ACSM5: variants seen among roughly 807,000 people sequenced by gnomAD.
ACSM5 encodes acyl-coenzyme A synthetase ACSM5, mitochondrial.
Under a neutral mutation model 71.6 loss-of-function variants are expected in ACSM5, and 56 were observed. The ratio of observed to expected loss-of-function variants is 0.78; its 90% confidence interval spans 0.63 to 0.98. ACSM5 has a LOEUF of 0.98. ACSM5 is among the 50% of genes least tolerant of loss of function. ACSM5 has a pLI of 0.00. For synonymous variants in ACSM5, 285 were observed against 281.5 expected, an observed-to-expected ratio of 1.01 and a Z score of -0.12; for missense variants, 723 against 726.0, an observed-to-expected ratio of 1.00 and a Z score of 0.05.
intron 13 of ACSM5, 156 bp from the exon 14 acceptor site, chr16:20,440,188 C>T: frequency 3.0e-6 from 2 of 668,428 alleles, no homozygotes; most frequent in Non-Finnish European, 5.2e-6. Context: ...TCCTGTGCTC[C>T]AGGCTCCAGC....
chr16:20,426,277 C>G (rs1222177110), intron 6 of ACSM5, among the ~76,000 whole-genome samples: 2 of 152,170 alleles, frequency 1.3e-5, no homozygotes, highest in Non-Finnish European at 2.9e-5. Flanking sequence ...CTGTCCCCAG[C>G]TCTGATATAG....
rs573883279 is a variant in ACSM5 at position 20,427,738 on chromosome 16, T to C, written c.922-50T>C. 1,913 of 1,280,248 alleles carry C rather than the reference T, an allele frequency of 1.5e-3. 6 individuals carry two copies. Among genetic ancestry groups the C allele is most frequent in the East Asian group, 7.2e-3 (312 of 43,202 alleles). 79.3% of individuals were successfully genotyped at this position (1,280,248 alleles called of 1,614,324 possible). ...GATGCATTTGGCTCCATCTTCATGG[T>C]CCCACCCCAATGATTCTAAGGACAT... On this transcript the variant is annotated intron_variant, in intron 6 of 13. Transcript: ENST00000331849.
chr16:20,424,278 C>T (rs992107779), intron 6 of ACSM5, among the ~76,000 whole-genome samples: 1 of 152,104 alleles, frequency 6.6e-6, no homozygotes, highest in Non-Finnish European at 1.5e-5. Context: ...GATGTAAGAC[C>T]ATTTTGTTGC....
intron 8 of ACSM5, among the ~76,000 whole-genome samples, 166 bp downstream of exon 8, chr16:20,429,967 CTCACTTATAAGT>C (rs1162526988): frequency 3.3e-5 from 5 of 152,112 alleles, no homozygotes. Context: ...TCCATATGTT[CTCACTTATAAGT>C]GGGAGCTAAG....
chr16:20,437,102 A>G lies in ACSM5; in HGVS notation c.1359A>G (p.Thr453=). 1 of 1,614,166 alleles carries G rather than the reference A, an allele frequency of 6.2e-7. No individual in the cohort carries two copies. The highest frequency in any genetic ancestry group is 8.5e-7 in the Non-Finnish European group (1 of 1,180,018). The change falls in exon 11 of 14, where the codon ACA becomes ACG. Residue 453 remains threonine (T), a synonymous_variant. Transcript: ENST00000331849. ...AASEQGDFYI[T]GDRARMDKDG... ...CAGAACAAGGGGACTTTTACATCAC[A>G]GGGGACCGAGCTCGCATGGACAAGG...
chr16:20,434,558 G>A (rs1326803796), intron 10 of ACSM5, among the ~76,000 whole-genome samples: 1 of 152,140 alleles, frequency 6.6e-6, no homozygotes, highest in Non-Finnish European at 1.5e-5. Context: ...GCTGGGTGTG[G>A]TGGCGGGCAC....
rs190209283 is a variant in ACSM5, at chr16:20,427,949, C to A, written c.1001+82C>A. ...GTATCCACACACACAACTACCCTCT[C>A]ATTCCAACTCTCTTTCTTTCTCTGT... is the stretch of plus-strand genomic sequence containing the variant. On this transcript the variant is annotated intron_variant, in intron 7 of 13. Coordinates refer to ENST00000331849, the MANE Select transcript of ACSM5 (RefSeq NM_017888.3). 18 of 986,642 alleles carry A rather than the reference C, an allele frequency of 1.8e-5. No homozygotes were observed. The East Asian group carries it at 3.8e-4, about 21-fold the overall frequency. 61.1% of individuals were successfully genotyped at this position (986,642 alleles called of 1,614,324 possible).
chr16:20,436,353 C>G (rs1323456425), intron 10 of ACSM5, among the ~76,000 whole-genome samples: 1 of 146,448 alleles, frequency 6.8e-6, no homozygotes, highest in Non-Finnish European at 1.5e-5. Context: ...ATCTTGCAAT[C>G]TCATCCTGTA....
intron 5 of ACSM5, among the ~76,000 whole-genome samples, chr16:20,423,102 C>A (rs1172691047): frequency 6.6e-6 from 1 of 152,118 alleles, no homozygotes; most frequent in African/African-American, 2.4e-5. Context: ...GATGGTATTT[C>A]ATACCATGAG....
intron 2 of ACSM5, among the ~76,000 whole-genome samples, chr16:20,416,598 A>C (rs1966856855): frequency 6.6e-6 from 1 of 152,200 alleles, no homozygotes; most frequent in Admixed American, 6.5e-5. Flanking sequence ...CAAAGACCTA[A>C]ATGAAGAAAC....
intron 1 of ACSM5, 42 bp from the exon 2 acceptor site, chr16:20,411,428 C>A (rs1966847390): frequency 1.9e-6 from 3 of 1,571,604 alleles, no homozygotes; most frequent in Admixed American, 1.8e-5. Flanking sequence ...CCCCAAAGCC[C>A]AGAATTTATG....
At chr16:20,415,818 G>A (rs1966855257) in intron 2 of ACSM5, among the ~76,000 whole-genome samples, 1 of 152,128 alleles carries the variant, frequency 6.6e-6, no homozygotes, top group Non-Finnish European at 1.5e-5. Context: ...TGGGATTGGT[G>A]ACTCATTGTT....
Position 20,440,372 on chromosome 16 carries a change from C to A in ACSM5, c.1685C>A (p.Thr562Lys). 1 of 1,605,546 alleles carries A rather than the reference C, an allele frequency of 6.2e-7. No individual in the cohort carries two copies. The highest frequency in any genetic ancestry group is 2.2e-5 in the East Asian group (1 of 44,862). The change falls in exon 14 of 14, where the codon ACG becomes AAG. Residue 562 changes from threonine to lysine, a missense_variant. Transcript: ENST00000331849. Reference sequence around the variant, plus strand: ...GCCTTTGTTTCAGAACTGCCAAAGACGGTTTCTGGAAAGATCCAAAGGAGT... The same window carrying A: ...GCCTTTGTTTCAGAACTGCCAAAGAAGGTTTCTGGAAAGATCCAAAGGAGT... ...KVAFVSELPK[T>K]VSGKIQRSKL...
intron 6 of ACSM5, among the ~76,000 whole-genome samples, chr16:20,427,079 A>G (rs557448833): frequency 3.8e-4 from 58 of 151,084 alleles, no homozygotes; most frequent in Middle Eastern, 3.4e-3. Flanking sequence ...AAGGCGGGTG[A>G]ATCATGAGGT....
intron 7 of ACSM5, among the ~76,000 whole-genome samples, chr16:20,429,007 TTTTA>T (rs1025463433): frequency 6.6e-6 from 1 of 151,860 alleles, no homozygotes; most frequent in Non-Finnish European, 1.5e-5. Context: ...TTTCTTTTAT[TTTTA>T]TTTATTTATT....
chr16:20,436,559 C>G (rs1219873909), intron 10 of ACSM5, among the ~76,000 whole-genome samples: 1 of 152,082 alleles, frequency 6.6e-6, no homozygotes, highest in Non-Finnish European at 1.5e-5. Flanking sequence ...TTAGTAGAGA[C>G]AGGTTTTCAC....
chr16:20,436,446 C>A (rs1213483308), intron 10 of ACSM5, among the ~76,000 whole-genome samples: 5 of 152,168 alleles, frequency 3.3e-5, no homozygotes, highest in Admixed American at 6.5e-5. Flanking sequence ...TCTCAGCTCA[C>A]TGCAACCTCT....
At chr16:20,431,457 C>G in intron 10 of ACSM5, 136 bp downstream of exon 10, 1 of 697,752 alleles carries the variant, frequency 1.4e-6, no homozygotes, top group East Asian at 2.6e-5. Flanking sequence ...TAATAAAGTT[C>G]TGTTATTGAT....
intron 2 of ACSM5, among the ~76,000 whole-genome samples, chr16:20,414,554 A>T (rs1388828725): frequency 6.6e-6 from 1 of 152,258 alleles, no homozygotes; most frequent in African/African-American, 2.4e-5. Flanking sequence ...TTATCTCCAG[A>T]ACTATAAGGC....
Sources: allele counts gnomAD v4.1 joint callset (sites outside exome capture counted in the v4.1 genomes callset), GRCh38; gene constraint gnomAD v4.1.1; transcripts MANE v1.5; gene names NCBI Gene and HGNC (gene_info 2026-07-23, HGNC 2026-07-21).